The following USP24 variants were observed in gnomAD, a reference collection of about 807,000 sequenced individuals.
USP24 encodes the protein ubiquitin specific peptidase 24, also known as ubiquitin carboxyl-terminal hydrolase 24.
USP24 carries 97 observed loss-of-function variants against 361.6 expected under a neutral mutation model. The observed-to-expected ratio is 0.27, with a 90% confidence interval of 0.23 to 0.32. The LOEUF (loss-of-function observed/expected upper bound fraction) is 0.32, where lower values mean the gene tolerates loss of function less well. Among genes scored for constraint, USP24 ranks in the 10% least tolerant of loss-of-function variants. The probability of loss-of-function intolerance (pLI) is 1.00; values close to 1 mark genes in which losing one functional copy is unlikely to be tolerated. For missense variants in USP24, 2,353 were observed against 3,165.6 expected (o/e 0.74, Z 6.16); for synonymous variants, 1,098 against 1,124.6 (o/e 0.98, Z 0.47).
At chr1:55,078,799 G>T in intron 60 of USP24, 148 bp from the exon 61 acceptor site, 1 of 572,414 alleles carries the variant, frequency 1.7e-6, no homozygotes, top group Non-Finnish European at 2.9e-6. Context: ...GAAGTCTATA[G>T]ATAGACTTCA....
chr1:55,081,288 A>G (rs892515547), intron 59 of USP24, 34 bp downstream of exon 59: 1 of 1,591,408 alleles, frequency 6.3e-7, no homozygotes, highest in African/African-American at 1.3e-5. Context: ...AGACAAATTC[A>G]GTATCTCTTC....
At chr1:55,185,594 T>G (rs1396310127) in intron 1 of USP24, among the ~76,000 whole-genome samples, 1 of 152,204 alleles carries the variant, frequency 6.6e-6, no homozygotes, top group Non-Finnish European at 1.5e-5. Context: ...AGAGTCTTGC[T>G]CTGTCATCCA....
chr1:55,176,516 T>TA, intron 2 of USP24, 73 bp from the exon 3 acceptor site: 1 of 1,358,498 alleles, frequency 7.4e-7, no homozygotes, highest in Non-Finnish European at 1.0e-6. Context: ...ATGAATGAAA[T>TA]AATACACGTT....
intron 36 of USP24, among the ~76,000 whole-genome samples, chr1:55,123,035 G>A (rs1323995831): frequency 6.6e-6 from 1 of 152,162 alleles, no homozygotes; most frequent in Non-Finnish European, 1.5e-5. Context: ...AGAATGATTA[G>A]TAATGGTCCC....
intron 16 of USP24, among the ~76,000 whole-genome samples, chr1:55,152,784 C>A (rs538370361): frequency 2.4e-4 from 36 of 152,104 alleles, no homozygotes; most frequent in Non-Finnish European, 4.4e-4. Flanking sequence ...GTAGAAAATT[C>A]ACCTGGTCAC....
At chr1:55,118,577 G>A (rs1427689713) in intron 38 of USP24, among the ~76,000 whole-genome samples, 1 of 152,068 alleles carries the variant, frequency 6.6e-6, no homozygotes, top group Non-Finnish European at 1.5e-5. Context: ...AAAAAACACA[G>A]GTAACTAAAG....
intron 45 of USP24, 73 bp from the exon 46 acceptor site, chr1:55,098,631 A>C: frequency 8.9e-7 from 1 of 1,124,010 alleles, no homozygotes; most frequent in Admixed American, 2.0e-5. Context: ...TTATTAACAC[A>C]TTGCAATTTA....
At chr1:55,172,550 C>G in intron 3 of USP24, 30 bp from the exon 4 acceptor site, 2 of 1,570,876 alleles carry the variant, frequency 1.3e-6, no homozygotes, top group Non-Finnish European at 1.7e-6. Context: ...AATCTAGAGT[C>G]TAACTTGAAA....
At chr1:55,165,184 G>A (rs1648702161) in intron 7 of USP24, among the ~76,000 whole-genome samples, 1 of 152,114 alleles carries the variant, frequency 6.6e-6, no homozygotes. Flanking sequence ...ACACCTGGGT[G>A]TATTATTTTA....
intron 1 of USP24, among the ~76,000 whole-genome samples, chr1:55,192,923 TG>T (rs1259492356): frequency 6.6e-6 from 1 of 152,198 alleles, no homozygotes; most frequent in East Asian, 1.9e-4. Context: ...CTTTTGTATG[TG>T]GTTCCCTGCA....
At chr1:55,208,073 C>A (rs1440941175) in intron 1 of USP24, among the ~76,000 whole-genome samples, 1 of 152,188 alleles carries the variant, frequency 6.6e-6, no homozygotes, top group Non-Finnish European at 1.5e-5. Flanking sequence ...TTTAAACTTA[C>A]TTGTGTTAGC....
Position 55,129,469 on chromosome 1 carries a change from A to T in USP24, c.3635+8T>A, listed in dbSNP as rs1646530221. Reference sequence around the variant, plus strand: ...GCAACTCATGTAACATTACATTGAAACTCTAACCTCAAACCGCCAGCTTTG... The same window carrying T: ...GCAACTCATGTAACATTACATTGAATCTCTAACCTCAAACCGCCAGCTTTG... On this transcript the variant is annotated splice_region_variant and intron_variant, in intron 32 of 67. Transcript: ENST00000294383. 5 of 1,612,760 alleles carry T rather than the reference A, an allele frequency of 3.1e-6. No homozygotes were observed. The highest frequency in any genetic ancestry group is 3.4e-6 in the Non-Finnish European group (4 of 1,179,106).
rs1644959153 is a variant in USP24 at position 55,215,181 on chromosome 1, C to T, written c.-68G>A. On this transcript the variant is annotated 5_prime_UTR_variant, in exon 1 of 68. Coordinates refer to ENST00000294383, the MANE Select transcript of USP24 (RefSeq NM_015306.3). ...TACGGGTCCCGGGCCTGGCGGGCCG[C>T]GCGGCGCACCCTCCGCGCCGCCTCC... 1 of 1,179,444 alleles carries T rather than the reference C, an allele frequency of 8.5e-7. No individual in the cohort carries two copies. Among genetic ancestry groups the T allele is most frequent in the African/African-American group, 1.6e-5 (1 of 62,552 alleles). 73.1% of individuals were successfully genotyped at this position (1,179,444 alleles called of 1,614,324 possible).
At chr1:55,094,551 T>C (rs1299664900) in intron 51 of USP24, among the ~76,000 whole-genome samples, 2 of 152,072 alleles carry the variant, frequency 1.3e-5, no homozygotes, top group African/African-American at 4.8e-5. Flanking sequence ...ATTTCTCACA[T>C]GAAAAAGTAA....
At chr1:55,106,664 T>C (rs1322919028) in intron 40 of USP24, among the ~76,000 whole-genome samples, 1 of 152,230 alleles carries the variant, frequency 6.6e-6, no homozygotes, top group South Asian at 2.1e-4. Context: ...TAAAATGATA[T>C]GCCTTTCTCT....
At chr1:55,102,275 G>A (rs1645654356) in intron 42 of USP24, among the ~76,000 whole-genome samples, 1 of 152,114 alleles carries the variant, frequency 6.6e-6, no homozygotes, top group Admixed American at 6.5e-5. Context: ...ACTTCTTCCA[G>A]TAAACATATA....
intron 1 of USP24, among the ~76,000 whole-genome samples, chr1:55,190,501 A>G (rs1366944773): frequency 6.6e-6 from 1 of 152,222 alleles, no homozygotes; most frequent in African/African-American, 2.4e-5. Flanking sequence ...GTATCGTTCT[A>G]TTGCAAAATG....
chr1:55,141,582 G>A (rs1314600089), intron 24 of USP24, 34 bp downstream of exon 24: 1 of 1,535,336 alleles, frequency 6.5e-7, no homozygotes, highest in Non-Finnish European at 8.9e-7. Context: ...ACTGACATAT[G>A]TGTGTTGTGT....
chr1:55,124,916 A>G (rs774069826), intron 34 of USP24, among the ~76,000 whole-genome samples: 9 of 152,164 alleles, frequency 5.9e-5, no homozygotes, highest in Admixed American at 1.3e-4. Context: ...AAGCTCTGGT[A>G]TTGTCTCTAG....
Sources: gnomAD v4.1 joint callset for allele counts (sites outside exome capture counted in the v4.1 genomes callset) on GRCh38, gnomAD v4.1.1 for gene constraint, MANE v1.5 for transcripts, NCBI Gene and HGNC (gene_info 2026-07-23, HGNC 2026-07-21) for gene names.